Variants in CA10 observed in about 807,000 individuals in gnomAD.
The protein encoded by CA10 is carbonic anhydrase 10 (inactive).
Under a neutral mutation model 44.2 loss-of-function variants are expected in CA10, and 14 were observed. The ratio of observed to expected loss-of-function variants is 0.32; its 90% CI spans 0.21 to 0.50. CA10 has a LOEUF of 0.50. Among genes scored for constraint, CA10 ranks in the 20% least tolerant of loss-of-function variants. CA10 has a pLI of 0.99. For synonymous variants in CA10, 159 were observed against 141.6 expected, an observed-to-expected ratio of 1.12 and a Z score of -0.87; for missense variants, 350 against 409.7, an observed-to-expected ratio of 0.85 and a Z score of 1.26.
chr17:51,842,363 T>A (rs1978329624), intron 3 of CA10, among the ~76,000 whole-genome samples: 1 of 152,138 alleles, frequency 6.6e-6, no homozygotes, highest in African/African-American at 2.4e-5. Flanking sequence ...CGTGACACAA[T>A]TATAGAGAAA....
At chr17:51,689,442 A>G (rs1915114098) in intron 4 of CA10, among the ~76,000 whole-genome samples, 1 of 152,202 alleles carries the variant, frequency 6.6e-6, no homozygotes, top group Non-Finnish European at 1.5e-5. Context: ...GAATGATTAC[A>G]TGAATATGTG....
In CA10 at chr17:51,738,412, C is replaced by T. The variant is rs141836274; in HGVS notation, c.465+9221G>A. Among the ~76,000 whole-genome samples, 641 of 151,958 alleles carry T rather than the reference C, an allele frequency of 4.2e-3. 4 individuals are homozygous for T. Among genetic ancestry groups the T allele is most frequent in the African/African-American group, 0.015 (610 of 41,424 alleles). On this transcript the variant is annotated intron_variant, in intron 4 of 8. Transcript: ENST00000451037. Reference sequence around the variant, plus strand: ...CTGGAGGGTTATGGGGGAATGTGGGCGGGGGAGATTTAAACTGCACAAAAG... The same window carrying T: ...CTGGAGGGTTATGGGGGAATGTGGGTGGGGGAGATTTAAACTGCACAAAAG...
At chr17:51,768,491 G>A (rs1010812980) in intron 3 of CA10, among the ~76,000 whole-genome samples, 2 of 152,042 alleles carry the variant, frequency 1.3e-5, no homozygotes, top group Non-Finnish European at 2.9e-5. Flanking sequence ...ATAAAATATT[G>A]CTCTATTGAT....
intron 4 of CA10, among the ~76,000 whole-genome samples, chr17:51,742,985 C>T (rs1904522152): frequency 6.6e-6 from 1 of 152,226 alleles, no homozygotes; most frequent in South Asian, 2.1e-4. Context: ...CAATATACAT[C>T]CCTCAATAGA....
At chr17:51,875,465 T>C (rs1167175919) in intron 3 of CA10, among the ~76,000 whole-genome samples, 1 of 152,300 alleles carries the variant, frequency 6.6e-6, no homozygotes, top group East Asian at 1.9e-4. Flanking sequence ...TAAAAGTCAT[T>C]TAAGCTCTGT....
intron 3 of CA10, among the ~76,000 whole-genome samples, chr17:51,877,959 A>G (rs967756334): frequency 3.9e-5 from 6 of 151,900 alleles, no homozygotes; most frequent in Non-Finnish European, 7.4e-5. Flanking sequence ...CCTGGCTAAC[A>G]TGGTGAAACC....
rs1907750396 is a variant in CA10 at position 51,820,773 on chromosome 17, G to GCACGT, written c.280-72960_280-72956dup. 5.3e-5 allele frequency among the ~76,000 whole-genome samples: 8 copies of GCACGT among 152,046 alleles called. No individual in the cohort carries two copies. The South Asian group carries it at 1.7e-3, about 32-fold the overall frequency. ...GCATACTAGTATCTACTCATTTAGA[G>GCACGT]CACGTCCCAGAATTAGTGTGAGGGT... On this transcript the variant is annotated intron_variant, in intron 3 of 8. Transcript: ENST00000451037.
At chr17:52,123,339 G>T (rs917961818) in intron 1 of CA10, among the ~76,000 whole-genome samples, 6 of 147,646 alleles carry the variant, frequency 4.1e-5, no homozygotes, top group Admixed American at 3.5e-4. Flanking sequence ...GTGTGTGTGT[G>T]TGTGTGTGTG....
chr17:52,132,982 C>A (rs141483752), intron 1 of CA10, among the ~76,000 whole-genome samples: 1 of 152,060 alleles, frequency 6.6e-6, no homozygotes, highest in Non-Finnish European at 1.5e-5. Flanking sequence ...TCAGGAGTAG[C>A]GCAGAGGACC....
chr17:51,843,306 A>G (rs1444010889), intron 3 of CA10, among the ~76,000 whole-genome samples: 2 of 152,222 alleles, frequency 1.3e-5, no homozygotes, highest in African/African-American at 4.8e-5. Flanking sequence ...TAGGCTCAGA[A>G]AACTTACTAA....
intron 2 of CA10, among the ~76,000 whole-genome samples, chr17:51,970,757 C>G (rs1984253239): frequency 6.6e-6 from 1 of 151,972 alleles, no homozygotes; most frequent in African/African-American, 2.4e-5. Flanking sequence ...CTGCTTATCA[C>G]AAATCACAGA....
intron 2 of CA10, among the ~76,000 whole-genome samples, chr17:52,023,913 C>A (rs1188300715): frequency 6.6e-6 from 1 of 151,936 alleles, no homozygotes; most frequent in Non-Finnish European, 1.5e-5. Flanking sequence ...TTACTTTTAT[C>A]TTTTAACAGT....
intron 2 of CA10, among the ~76,000 whole-genome samples, chr17:51,993,635 G>C (rs1328577320): frequency 1.3e-5 from 2 of 151,980 alleles, no homozygotes; most frequent in African/African-American, 4.8e-5. Context: ...TAAGGTGATA[G>C]GAAGAGAAAA....
chr17:52,157,470 T>C (rs1954300790), intron 1 of CA10, among the ~76,000 whole-genome samples: 1 of 151,768 alleles, frequency 6.6e-6, no homozygotes, highest in Non-Finnish European at 1.5e-5. Flanking sequence ...CTGCCTCTTC[T>C]TTCTCATCCC....
chr17:52,101,027 T>C (rs1046034771), intron 1 of CA10, among the ~76,000 whole-genome samples: 1 of 152,210 alleles, frequency 6.6e-6, no homozygotes, highest in African/African-American at 2.4e-5. Context: ...TAAGTCAATG[T>C]AGTTGCAAAA....
At chr17:51,688,998 A>G (rs374881244) in intron 4 of CA10, among the ~76,000 whole-genome samples, 12 of 152,178 alleles carry the variant, frequency 7.9e-5, no homozygotes, top group African/African-American at 2.4e-4. Context: ...TCTATTTTAT[A>G]TAAGGGGTAA....
chr17:51,735,953 A>C (rs1326865051), intron 4 of CA10, among the ~76,000 whole-genome samples: 1 of 152,184 alleles, frequency 6.6e-6, no homozygotes, highest in African/African-American at 2.4e-5. Context: ...ACAGAAGAAC[A>C]CAGAAACTTT....
At chr17:52,029,105 C>G (rs1986386947) in intron 2 of CA10, among the ~76,000 whole-genome samples, 1 of 152,102 alleles carries the variant, frequency 6.6e-6, no homozygotes, top group Admixed American at 6.5e-5. Context: ...TGAACATCTT[C>G]AGTTTTAAAT....
At chr17:51,973,246 G>A (rs1198139792) in intron 2 of CA10, among the ~76,000 whole-genome samples, 2 of 152,190 alleles carry the variant, frequency 1.3e-5, no homozygotes, top group Non-Finnish European at 2.9e-5. Context: ...ATCCTGAATT[G>A]TTGCCAGAGG....
Sources: allele counts gnomAD v4.1 joint callset (sites outside exome capture counted in the v4.1 genomes callset), GRCh38; gene constraint gnomAD v4.1.1; transcripts MANE v1.5; gene names NCBI Gene and HGNC (gene_info 2026-07-23, HGNC 2026-07-21).